ZEB1: variants seen among roughly 807,000 people sequenced by gnomAD.
ZEB1 encodes the protein zinc finger E-box binding homeobox 1.
In ZEB1, 21 loss-of-function variants were observed where a neutral mutation model predicts 84.9. The ratio of observed to expected loss-of-function variants is 0.25; its 90% CI spans 0.18 to 0.36. The LOEUF (loss-of-function observed/expected upper bound fraction) is 0.36, where lower values mean the gene tolerates loss of function less well. Ranked by LOEUF, ZEB1 falls within the 10% of genes least tolerant of loss-of-function variation. The probability of loss-of-function intolerance (pLI) is 1.00; values close to 1 mark genes in which losing one functional copy is unlikely to be tolerated. For synonymous variants in ZEB1, 420 were observed against 471.1 expected (o/e 0.89, Z 1.41); for missense variants, 1,104 against 1,330.2 (o/e 0.83, Z 2.65).
chr10:31,362,859 T>G, intron 1 of ZEB1: 1 of 1,195,310 alleles, frequency 8.4e-7, no homozygotes, highest in Non-Finnish European at 1.2e-6. Context: ...TAAGCAACTG[T>G]CTTAGTCTCC....
chr10:31,446,701 G>T (rs569376641), intron 1 of ZEB1, among the ~76,000 whole-genome samples: 2,280 of 152,174 alleles, frequency 0.015, 55 homozygotes, highest in African/African-American at 0.052. Flanking sequence ...AGGTTGTTCA[G>T]TTTCCATGTA....
intron 2 of ZEB1, among the ~76,000 whole-genome samples, chr10:31,491,671 TTAAA>T (rs1343689857): frequency 6.6e-6 from 1 of 151,924 alleles, no homozygotes; most frequent in Non-Finnish European, 1.5e-5. Flanking sequence ...TTTAGAGTCT[TTAAA>T]TAACCGTTTC....
intron 1 of ZEB1, among the ~76,000 whole-genome samples, chr10:31,452,749 GAGAGA>G (rs1296445211): frequency 1.8e-4 from 21 of 113,548 alleles, no homozygotes; most frequent in South Asian, 1.4e-3. Flanking sequence ...GTGTGAGAGA[GAGAGA>G]GAGAGAGAGA....
chr10:31,522,973 G>A (rs551873383), intron 7 of ZEB1, among the ~76,000 whole-genome samples: 1 of 152,288 alleles, frequency 6.6e-6, no homozygotes, highest in East Asian at 1.9e-4. Flanking sequence ...GCCATCCTTA[G>A]CATTTCATAG....
intron 1 of ZEB1, among the ~76,000 whole-genome samples, chr10:31,411,326 A>G (rs557074914): frequency 6.6e-6 from 1 of 152,306 alleles, no homozygotes; most frequent in South Asian, 2.1e-4. Context: ...GAGAACAAAG[A>G]CACACCATAC....
chr10:31,319,214 T>A, upstream of ZEB1: 1 of 1,595,070 alleles, frequency 6.3e-7, no homozygotes, highest in Non-Finnish European at 8.5e-7. Context: ...ACTCGAGCAT[T>A]TAGACACAAG....
chr10:31,505,380 A>G lies in ZEB1; in HGVS notation c.484+2871A>G, dbSNP rs925798410. Among the ~76,000 whole-genome samples the G allele has an allele frequency of 3.9e-5, 6 of 152,160 alleles. No individual in the cohort carries two copies. The East Asian group carries it at 1.2e-3, about 29-fold the overall frequency. On this transcript the variant is annotated intron_variant, in intron 4 of 8. Transcript: ENST00000424869. ...GAGAACTAGTGTTAGCTCTTCTTTG[A>G]CAGTTTGGTAGAATTCAGCAGTGAA...
rs542713366 is a variant in ZEB1, at chr10:31,468,599, A to G, written c.259+7362A>G. Among the ~76,000 whole-genome samples the G allele has an allele frequency of 6.6e-5, 10 of 152,314 alleles. No individual in the cohort carries two copies. In the South Asian group the frequency reaches 2.1e-3, roughly 32 times the overall value. On this transcript the variant is annotated intron_variant, in intron 2 of 8. Coordinates refer to ENST00000424869, the MANE Select transcript of ZEB1 (RefSeq NM_001174096.2). ...AGACAGTGAGCCTTACCACATATAC[A>G]GCATACCACTACTACAAACTACAAA...
chr10:31,340,960 A>G (rs2039239811), intron 1 of ZEB1, among the ~76,000 whole-genome samples: 1 of 152,160 alleles, frequency 6.6e-6, no homozygotes, highest in South Asian at 2.1e-4. Context: ...ATACAAGCAG[A>G]TCTCTGTTGG....
chr10:31,457,654 G>T (rs762366652), intron 1 of ZEB1, among the ~76,000 whole-genome samples: 12 of 152,074 alleles, frequency 7.9e-5, no homozygotes, highest in Non-Finnish European at 1.5e-4. Flanking sequence ...ACAGGGGACA[G>T]GAAGGAGTTC....
intron 8 of ZEB1, among the ~76,000 whole-genome samples, chr10:31,524,366 A>C (rs1048976275): frequency 3.3e-5 from 5 of 152,014 alleles, no homozygotes; most frequent in African/African-American, 1.2e-4. Flanking sequence ...CTATAGGCAC[A>C]TACCACCACA....
intron 6 of ZEB1, among the ~76,000 whole-genome samples, chr10:31,514,962 T>G (rs2070796403): frequency 6.6e-6 from 1 of 152,056 alleles, no homozygotes; most frequent in South Asian, 2.1e-4. Context: ...TTTTAGTAAG[T>G]ACAACCTGAA....
intron 3 of ZEB1, among the ~76,000 whole-genome samples, chr10:31,498,212 A>G (rs2067561325): frequency 1.3e-5 from 2 of 152,080 alleles, no homozygotes; most frequent in African/African-American, 4.8e-5. Context: ...CCAACACTTT[A>G]AATTTTAAAA....
chr10:31,382,006 CAAAAAAAA>C (rs535534850), intron 1 of ZEB1, among the ~76,000 whole-genome samples: 10 of 40,790 alleles, frequency 2.5e-4, no homozygotes, highest in East Asian at 2.2e-3. Context: ...GAGACTGTCT[CAAAAAAAA>C]AAAAAAAAAA....
chr10:31,373,850 C>T lies in ZEB1; in HGVS notation c.58+54558C>T, dbSNP rs1452061519. ...ACATCTCTCTCCTGCCTTACACATA[C>T]TCCCACTGAGAAAATAATTTCTAAA... On this transcript the variant is annotated intron_variant, in intron 1 of 8. Transcript: ENST00000424869. Among the ~76,000 whole-genome samples the T allele has an allele frequency of 5.9e-5, 9 of 151,740 alleles. 1 individual carries two copies.
chr10:31,404,021 C>T (rs1030152008), intron 1 of ZEB1, among the ~76,000 whole-genome samples: 2 of 152,030 alleles, frequency 1.3e-5, no homozygotes, highest in African/African-American at 4.8e-5. Flanking sequence ...TATGAACAGA[C>T]TAGTCTATAT....
At position 31,388,047 on chromosome 10, in the gene ZEB1, T is replaced by G. The variant is rs562958058; in HGVS notation, c.58+68755T>G. 3.3e-4 allele frequency among the ~76,000 whole-genome samples: 51 copies of G among 152,252 alleles called. No homozygotes were observed. The Middle Eastern group carries it at 0.017, about 51-fold the overall frequency. On this transcript the variant is annotated intron_variant, in intron 1 of 8. Transcript: ENST00000424869. ...TGTTAACTAATATAATCTATAGATG[T>G]CTCTCAAAATGACCAGTCTTAAATT...
At chr10:31,471,615 G>A (rs1351129221) in intron 2 of ZEB1, among the ~76,000 whole-genome samples, 4 of 143,958 alleles carry the variant, frequency 2.8e-5, no homozygotes, top group Non-Finnish European at 6.0e-5. Flanking sequence ...AATAATGGGA[G>A]ACTTTAACAC....
rs1245883383 is a variant in ZEB1, at chr10:31,475,373, T to A, written c.259+14136T>A. 2.6e-5 allele frequency among the ~76,000 whole-genome samples: 4 copies of A among 152,110 alleles called. No individual in the cohort carries two copies. In the East Asian group the frequency reaches 5.8e-4, roughly 22 times the overall value. On this transcript the variant is annotated intron_variant, in intron 2 of 8. Coordinates refer to ENST00000424869, the MANE Select transcript of ZEB1 (RefSeq NM_001174096.2). ...AAAAAGTAGAAAGCTTGGAAAAATATTTGAGGGGATAATTTAGGAAAATCA... is the reference window on the plus strand; with the variant it reads ...AAAAAGTAGAAAGCTTGGAAAAATAATTGAGGGGATAATTTAGGAAAATCA...
Sources: allele counts gnomAD v4.1 joint callset (sites outside exome capture counted in the v4.1 genomes callset), GRCh38; gene constraint gnomAD v4.1.1; transcripts MANE v1.5; gene names NCBI Gene and HGNC (gene_info 2026-07-23, HGNC 2026-07-21).